The following USP13 variants were observed in gnomAD, a reference collection of about 807,000 sequenced individuals.
The protein encoded by USP13 is ubiquitin specific peptidase 13.
In USP13, 68 loss-of-function variants were observed where a neutral mutation model predicts 107.8. The ratio of observed to expected loss-of-function variants is 0.63; its 90% confidence interval spans 0.52 to 0.77. The LOEUF (loss-of-function observed/expected upper bound fraction) is 0.77, where lower values mean the gene tolerates loss of function less well. Ranked by LOEUF, USP13 falls within the 30% of genes least tolerant of loss-of-function variation. The probability of loss-of-function intolerance (pLI) is 0.00; values close to 1 mark genes in which losing one functional copy is unlikely to be tolerated. For missense variants in USP13, 945 were observed against 1,093.3 expected (o/e 0.86, Z 1.91); for synonymous variants, 377 against 389.5 (o/e 0.97, Z 0.38).
At chr3:179,733,212 G>A (rs1266341991) in intron 10 of USP13, among the ~76,000 whole-genome samples, 2 of 152,168 alleles carry the variant, frequency 1.3e-5, no homozygotes, top group Non-Finnish European at 2.9e-5. Flanking sequence ...CGATCTAGTG[G>A]TCTTGAAGAA....
In USP13 at chr3:179,754,831, T is replaced by C; in HGVS notation, c.1898T>C (p.Ile633Thr). The C allele has an allele frequency of 6.2e-7, 1 of 1,612,394 alleles. No individual in the cohort carries two copies. Among genetic ancestry groups the C allele is most frequent in the Non-Finnish European group, 8.5e-7 (1 of 1,179,378 alleles). Residue 633 changes from isoleucine (I) to threonine (T), a missense_variant, in exon 15 of 21, where the codon ATA becomes ACA. By Grantham distance (89) the Ile-to-Thr change is moderately conservative. Transcript: ENST00000263966. ...GAACTTCCAGACATCAGCCCCCCCA[T>C]AGTCATTCCTGATGACTCAAAAGGT... is the stretch of plus-strand genomic sequence containing the variant. ...EEELPDISPP[I>T]VIPDDSKDRL... is the part of the protein sequence containing the mutation.
chr3:179,761,343 G>A, intron 17 of USP13, 88 bp downstream of exon 17: 2 of 1,500,696 alleles, frequency 1.3e-6, no homozygotes, highest in South Asian at 1.3e-5. Flanking sequence ...CCCTGTGGAT[G>A]TATCCCTAGA....
chr3:179,730,387 G>A, intron 9 of USP13, 127 bp downstream of exon 9: 2 of 1,063,360 alleles, frequency 1.9e-6, no homozygotes, highest in Non-Finnish European at 2.7e-6. Context: ...GTTCCAAAAT[G>A]AGAATGTGTT....
At position 179,678,429 on chromosome 3, in the gene USP13, T is replaced by C. The variant is rs1308394208; in HGVS notation, c.169-3449T>C. Among the ~76,000 whole-genome samples, 1 of 152,164 alleles carries C rather than the reference T, an allele frequency of 6.6e-6. No individual in the cohort carries two copies. The highest frequency in any genetic ancestry group is 1.5e-5 in the Non-Finnish European group (1 of 68,030). On this transcript the variant is annotated intron_variant, in intron 1 of 20. Coordinates refer to ENST00000263966, the MANE Select transcript of USP13 (RefSeq NM_003940.3). The surrounding 1 kb of genome is among the most constrained non-coding windows in gnomAD (Gnocchi z 4.2). ...ATGATTTCAGGTAAAGGCAGAAAAG[T>C]TATCCACAAGCACAAGCTATATTAT... is the stretch of plus-strand genomic sequence containing the variant.
chr3:179,667,004 G>A (rs1203841437), intron 1 of USP13, among the ~76,000 whole-genome samples: 2 of 152,178 alleles, frequency 1.3e-5, no homozygotes, highest in Non-Finnish European at 2.9e-5. Context: ...ACCTTGCAGG[G>A]TTGTTGTAAT....
At chr3:179,655,351 T>C (rs746146494) in intron 1 of USP13, among the ~76,000 whole-genome samples, 3 of 152,158 alleles carry the variant, frequency 2.0e-5, no homozygotes, top group Admixed American at 6.5e-5. Flanking sequence ...CTGTGTGTGT[T>C]TCTAGAATGT....
intron 10 of USP13, among the ~76,000 whole-genome samples, chr3:179,734,175 C>G (rs553863256): frequency 3.3e-5 from 5 of 152,278 alleles, no homozygotes; most frequent in Non-Finnish European, 5.9e-5. Context: ...TTTATATATG[C>G]ATGCTTAATA....
chr3:179,700,982 G>A (rs764268458), intron 3 of USP13, 26 bp from the exon 4 acceptor site: 29 of 1,603,396 alleles, frequency 1.8e-5, no homozygotes, highest in Non-Finnish European at 2.5e-5. Context: ...CTCACTTCTT[G>A]TTCTTTGTTT....
chr3:179,764,937 C>T (rs1715126027), intron 18 of USP13, among the ~76,000 whole-genome samples: 1 of 152,150 alleles, frequency 6.6e-6, no homozygotes, highest in Admixed American at 6.5e-5. Flanking sequence ...ACCTGTCTCC[C>T]TTTAAGATGA....
intron 19 of USP13, among the ~76,000 whole-genome samples, chr3:179,772,713 A>G (rs974217998): frequency 2.0e-5 from 3 of 152,246 alleles, no homozygotes; most frequent in Admixed American, 2.0e-4. Context: ...ACTCTTGAGT[A>G]AACTGATTTA....
intron 6 of USP13, among the ~76,000 whole-genome samples, chr3:179,712,109 A>G (rs1712952389): frequency 6.6e-6 from 1 of 152,230 alleles, no homozygotes; most frequent in Admixed American, 6.5e-5. Flanking sequence ...GTTGTTATTC[A>G]GTGAGTGATT....
At chr3:179,754,061 G>T (rs1216511059) in intron 14 of USP13, among the ~76,000 whole-genome samples, 3 of 152,186 alleles carry the variant, frequency 2.0e-5, no homozygotes, top group African/African-American at 4.8e-5. Flanking sequence ...ATCAAATGGG[G>T]TTGCAAACTC....
At chr3:179,719,078 C>G (rs1467227664) in intron 6 of USP13, among the ~76,000 whole-genome samples, 1 of 152,152 alleles carries the variant, frequency 6.6e-6, no homozygotes, top group Non-Finnish European at 1.5e-5. Flanking sequence ...CCATACACCC[C>G]ACTTTGAGAA....
intron 19 of USP13, among the ~76,000 whole-genome samples, chr3:179,770,112 G>C (rs1715301428): frequency 6.6e-6 from 1 of 152,064 alleles, no homozygotes; most frequent in South Asian, 2.1e-4. Flanking sequence ...TTCTTCTCGT[G>C]TTAACAGCTT....
intron 18 of USP13, among the ~76,000 whole-genome samples, chr3:179,765,329 G>A (rs895366260): frequency 1.3e-5 from 2 of 152,214 alleles, no homozygotes; most frequent in Non-Finnish European, 2.9e-5. Context: ...TGCAATTAAA[G>A]TGGCTTTAGA....
chr3:179,785,474 T>G lies in USP13; in HGVS notation c.*1333T>G, dbSNP rs1423380498. ...TGAAAAGTGGAATGATAGCATTCTA[T>G]AATTTCCATAATTTTCCTACTGGTC... On this transcript the variant is annotated 3_prime_UTR_variant, in exon 21 of 21. Transcript: ENST00000263966. 1 of 152,248 alleles carries G rather than the reference T, an allele frequency of 6.6e-6. No homozygotes were observed. Among genetic ancestry groups the G allele is most frequent in the Non-Finnish European group, 1.5e-5 (1 of 68,048 alleles). The allele number at this position is 152,248 out of a possible 1,614,324, so 9.4% of individuals were successfully genotyped here. A position where few individuals can be genotyped will look rare whatever the true frequency, so the allele number is the denominator to read the frequency against.
intron 19 of USP13, among the ~76,000 whole-genome samples, chr3:179,777,289 T>C (rs1192222370): frequency 6.6e-6 from 1 of 152,114 alleles, no homozygotes; most frequent in Non-Finnish European, 1.5e-5. Flanking sequence ...ACCCATTGGC[T>C]GTGTTGGTAT....
intron 19 of USP13, among the ~76,000 whole-genome samples, chr3:179,767,414 GT>G (rs1715210997): frequency 6.6e-6 from 1 of 150,432 alleles, no homozygotes; most frequent in Admixed American, 6.6e-5. Context: ...GTAATGCATT[GT>G]TAGTTTTTTT....
intron 16 of USP13, among the ~76,000 whole-genome samples, chr3:179,760,345 G>T (rs562870186): frequency 6.8e-6 from 1 of 148,104 alleles, no homozygotes; most frequent in Non-Finnish European, 1.5e-5. Context: ...CTGCAGTGGC[G>T]CTATCCCGGC....
Sources: gnomAD v4.1 joint callset for allele counts (sites outside exome capture counted in the v4.1 genomes callset) on GRCh38, gnomAD v4.1.1 for gene constraint, Gnocchi (gnomAD v3.1) non-coding constraint, MANE v1.5 for transcripts, NCBI Gene and HGNC (gene_info 2026-07-23, HGNC 2026-07-21) for gene names.